The following CCZ1 variants were observed in gnomAD, a reference collection of about 807,000 sequenced individuals.
CCZ1 encodes the protein CCZ1 vacuolar protein trafficking and biogenesis associated.
A neutral mutation model predicts 57.8 loss-of-function variants in CCZ1; 19 were observed. That is an observed-to-expected ratio of 0.33 (90% CI 0.23 to 0.48). The LOEUF is 0.48. CCZ1 is among the 20% of genes least tolerant of loss of function. The pLI, the probability that CCZ1 is intolerant of heterozygous loss-of-function variation, is 0.99. For missense variants in CCZ1, 200 were observed against 492.0 expected, an observed-to-expected ratio of 0.41 and a Z score of 5.61; for synonymous variants, 81 against 167.0, an observed-to-expected ratio of 0.49 and a Z score of 3.97.
rs1039608473 is a variant in CCZ1 at position 5,910,207 on chromosome 7, A to T, written c.780+91A>T. ...ATGGTGGTGCATGGGGGCGTTTCTG[A>T]TCGTTTCTGATGTATGTTTTGTCTT... On this transcript the variant is annotated intron_variant, in intron 8 of 14. Coordinates refer to ENST00000325974, the MANE Select transcript of CCZ1 (RefSeq NM_015622.6). The T allele has an allele frequency of 6.6e-6, 7 of 1,062,842 alleles. No individual in the cohort carries two copies. In the African/African-American group the frequency reaches 1.1e-4, roughly 17 times the overall value. 65.8% of individuals were successfully genotyped at this position (1,062,842 alleles called of 1,614,324 possible). A position where few individuals can be genotyped will look rare whatever the true frequency, so the allele number is the denominator to read the frequency against.
At chr7:5,915,302 G>C (rs1779126861) in intron 10 of CCZ1, among the ~76,000 whole-genome samples, 1 of 149,786 alleles carries the variant, frequency 6.7e-6, no homozygotes, top group Non-Finnish European at 1.5e-5. Flanking sequence ...GTAATTCAGA[G>C]CAGGAATTGG....
chr7:5,922,309 GTTTC>G (rs1381630982), intron 12 of CCZ1, among the ~76,000 whole-genome samples: 2 of 104,782 alleles, frequency 1.9e-5, no homozygotes, highest in African/African-American at 7.4e-5. Context: ...TTTATAAGAA[GTTTC>G]TTTACATGTT....
At chr7:5,920,952 T>TG (rs1491471499) in intron 12 of CCZ1, among the ~76,000 whole-genome samples, 1 of 25,272 alleles carries the variant, frequency 4.0e-5, no homozygotes, top group African/African-American at 3.8e-4. Context: ...GTTTTTTGGG[T>TG]TTTTTTTTTT....
intron 7 of CCZ1, among the ~76,000 whole-genome samples, chr7:5,907,270 G>C (rs71524060): frequency 0.16 from 23,325 of 148,014 alleles, 2,974 homozygotes; most frequent in East Asian, 0.6. Context: ...GTGAAATTCT[G>C]CTGTGAAATG....
chr7:5,899,030 T>C (rs985922151), intron 1 of CCZ1, 111 bp downstream of exon 1: 2 of 196,224 alleles, frequency 1.0e-5, no homozygotes, highest in African/African-American at 1.0e-4. Flanking sequence ...TTGTGCCAGG[T>C]GCGAGTCCGG....
intron 6 of CCZ1, among the ~76,000 whole-genome samples, chr7:5,903,765 G>C (rs1312099928): frequency 6.8e-6 from 1 of 147,464 alleles, no homozygotes; most frequent in Non-Finnish European, 1.5e-5. Context: ...AGGCCGATGC[G>C]GGCAGATCTT....
chr7:5,900,755 T>C, intron 3 of CCZ1, 100 bp from the exon 4 acceptor site: 3 of 1,579,186 alleles, frequency 1.9e-6, no homozygotes, highest in Non-Finnish European at 2.6e-6. Flanking sequence ...TAAGAAGCTA[T>C]GTTTCTGATG....
chr7:5,913,826 C>T (rs1182542280), intron 10 of CCZ1, among the ~76,000 whole-genome samples: 1 of 115,926 alleles, frequency 8.6e-6, no homozygotes, highest in African/African-American at 2.9e-5. Context: ...CAGACAGGCC[C>T]ACAGCTGAGC....
At chr7:5,908,944 A>G (rs1781899353) in intron 7 of CCZ1, among the ~76,000 whole-genome samples, 1 of 147,532 alleles carries the variant, frequency 6.8e-6, no homozygotes, top group Non-Finnish European at 1.5e-5. Flanking sequence ...CCCTGTCTAC[A>G]GCATACCCAT....
intron 10 of CCZ1, among the ~76,000 whole-genome samples, chr7:5,916,490 T>TTTG (rs1312571368): frequency 3.0e-5 from 1 of 33,766 alleles, no homozygotes; most frequent in African/African-American, 1.2e-4. Context: ...TTTTTGGGTT[T>TTTG]TTGTTTTGTT....
In CCZ1 at chr7:5,914,526, G is replaced by A. The variant is rs187033465; in HGVS notation, c.954+1572G>A. On this transcript the variant is annotated intron_variant, in intron 10 of 14. Coordinates refer to ENST00000325974, the MANE Select transcript of CCZ1 (RefSeq NM_015622.6). ...GACTTTCAAAGTTCTGAGAGAAAAT[G>A]AATTTGAGCGTAGAGTTCTTTGCCA... Among the ~76,000 whole-genome samples the A allele has an allele frequency of 2.0e-5, 3 of 148,818 alleles. 1 individual carries two copies. Among genetic ancestry groups the A allele is most frequent in the Admixed American group, 2.0e-4 (3 of 15,090 alleles).
chr7:5,903,071 G>C (rs6973085), intron 6 of CCZ1, among the ~76,000 whole-genome samples: 18,930 of 147,856 alleles, frequency 0.13, 1,932 homozygotes, highest in Non-Finnish European at 0.17. Flanking sequence ...TTGTGTGATA[G>C]ATTAGTTGAT....
intron 1 of CCZ1, among the ~76,000 whole-genome samples, chr7:5,899,595 CAA>C (rs527239502): frequency 4.3e-5 from 4 of 93,798 alleles, no homozygotes; most frequent in African/African-American, 1.2e-4. Flanking sequence ...CCCAACTCTA[CAA>C]AAAAAAAAAA....
At chr7:5,901,494 A>T (rs1781683249) in intron 4 of CCZ1, 163 bp from the exon 5 acceptor site, 2 of 1,243,960 alleles carry the variant, frequency 1.6e-6, no homozygotes, top group Non-Finnish European at 1.0e-6. Flanking sequence ...CAAAAAAAAA[A>T]AAAAAAGAAC....
intron 8 of CCZ1, among the ~76,000 whole-genome samples, chr7:5,911,361 T>C (rs1419643069): frequency 6.7e-6 from 1 of 148,880 alleles, no homozygotes; most frequent in Non-Finnish European, 1.5e-5. Flanking sequence ...AGAGACGAGG[T>C]CTCACTTTGT....
At chr7:5,907,338 C>T (rs559421095) in intron 7 of CCZ1, among the ~76,000 whole-genome samples, 10 of 149,558 alleles carry the variant, frequency 6.7e-5, no homozygotes, top group African/African-American at 2.5e-4. Context: ...GGGATGGCTC[C>T]TCCACAGATG....
At chr7:5,901,094 T>TATA (rs1285117286) in intron 4 of CCZ1, 162 bp downstream of exon 4, 1 of 408,234 alleles carries the variant, frequency 2.4e-6, no homozygotes, top group African/African-American at 3.0e-5. Context: ...ACAATCTTTT[T>TATA]AAAATGTATA....
rs1779114629 is a variant in CCZ1, at chr7:5,914,652, A to G, written c.954+1698A>G. Among the ~76,000 whole-genome samples, 3 of 148,900 alleles carry G rather than the reference A, an allele frequency of 2.0e-5. 1 individual carries two copies. Among genetic ancestry groups the G allele is most frequent in the Admixed American group, 1.3e-4 (2 of 15,092 alleles). ...CACTTTGGGAGGCCAAGGTGGGCGG[A>G]TCACCTGAGGTCTGGAGTTCGAGAC... On this transcript the variant is annotated intron_variant, in intron 10 of 14. Coordinates refer to ENST00000325974, the MANE Select transcript of CCZ1 (RefSeq NM_015622.6).
At chr7:5,921,008 A>G (rs1381531741) in intron 12 of CCZ1, among the ~76,000 whole-genome samples, 7 of 84,244 alleles carry the variant, frequency 8.3e-5, no homozygotes, top group Non-Finnish European at 1.6e-4. Flanking sequence ...GGAGTGTGCA[A>G]TGGTCTGTTC....
Sources: allele counts gnomAD v4.1 joint callset (sites outside exome capture counted in the v4.1 genomes callset), GRCh38; gene constraint gnomAD v4.1.1; transcripts MANE v1.5; gene names NCBI Gene and HGNC (gene_info 2026-07-23, HGNC 2026-07-21).